Variants in FHOD3 observed in about 807,000 individuals in gnomAD.
FHOD3 encodes the protein formin homology 2 domain containing 3.
FHOD3 carries 90 observed loss-of-function variants against 173.0 expected under a neutral mutation model. The ratio of observed to expected loss-of-function variants is 0.52; its 90% CI spans 0.44 to 0.62. The LOEUF (loss-of-function observed/expected upper bound fraction) is 0.62. Among genes scored for constraint, FHOD3 ranks in the 20% least tolerant of loss-of-function variants. The pLI, the probability that FHOD3 is intolerant of heterozygous loss-of-function variation, is 0.00. For synonymous variants in FHOD3, 828 were observed against 823.0 expected, an observed-to-expected ratio of 1.01 and a Z score of -0.10; for missense variants, 1,945 against 2,034.7, an observed-to-expected ratio of 0.96 and a Z score of 0.85.
chr18:36,300,188 C>T (rs888307937), intron 1 of FHOD3, among the ~76,000 whole-genome samples: 1 of 152,140 alleles, frequency 6.6e-6, no homozygotes, highest in African/African-American at 2.4e-5. Flanking sequence ...CTAAATGACC[C>T]ACTTTTTGTG....
At chr18:36,380,498 T>TCCCTCCCTGCCTCCTTTCCTCTCTC (rs1413230748) in intron 3 of FHOD3, among the ~76,000 whole-genome samples, 1 of 145,290 alleles carries the variant, frequency 6.9e-6, no homozygotes, top group Non-Finnish European at 1.5e-5. Flanking sequence ...TTCCCTCTCT[T>TCCCTCCCTGCCTCCTTTCCTCTCTC]CCCTCCCTGC....
intron 26 of FHOD3, among the ~76,000 whole-genome samples, chr18:36,759,592 G>C (rs567249708): frequency 1.9e-4 from 29 of 152,238 alleles, no homozygotes; most frequent in Non-Finnish European, 2.1e-4. Flanking sequence ...TCTGATGTGT[G>C]ACCATTTCCT....
intron 1 of FHOD3, among the ~76,000 whole-genome samples, chr18:36,332,497 G>A (rs539600279): frequency 1.3e-5 from 2 of 152,346 alleles, no homozygotes; most frequent in East Asian, 1.9e-4. Context: ...TGTGACTTGA[G>A]GAACTTAACT....
chr18:36,364,319 G>A (rs146181166), intron 2 of FHOD3, among the ~76,000 whole-genome samples: 332 of 152,246 alleles, frequency 2.2e-3, no homozygotes, highest in African/African-American at 7.6e-3. Context: ...TTCCATCTCT[G>A]GGTCTAGGTG....
chr18:36,431,420 G>A (rs1223001655), intron 3 of FHOD3, among the ~76,000 whole-genome samples: 1 of 152,212 alleles, frequency 6.6e-6, no homozygotes, highest in Middle Eastern at 3.2e-3. Context: ...TGACACATGG[G>A]TGTGCAAGCC....
intron 3 of FHOD3, among the ~76,000 whole-genome samples, chr18:36,497,906 C>G (rs1327367110): frequency 6.6e-6 from 1 of 152,146 alleles, no homozygotes; most frequent in East Asian, 1.9e-4. Context: ...AATACATGTT[C>G]TTTTAAAGTG....
At chr18:36,765,519 CA>C (rs1166675118) in intron 27 of FHOD3, among the ~76,000 whole-genome samples, 1 of 152,132 alleles carries the variant, frequency 6.6e-6, no homozygotes, top group African/African-American at 2.4e-5. Context: ...ATAAGTGATT[CA>C]GATGTTGAAA....
intron 5 of FHOD3, among the ~76,000 whole-genome samples, chr18:36,565,967 C>T (rs2058248822): frequency 6.6e-6 from 1 of 152,166 alleles, no homozygotes; most frequent in Non-Finnish European, 1.5e-5. Flanking sequence ...TAAAAAACTG[C>T]ATTTAAAATG....
chr18:36,664,015 G>A lies in FHOD3; in HGVS notation c.1835+5827G>A, dbSNP rs571218274. ...TTGAATGACTGTGTTTTGTGGATATGTGATCTGGGTGTTTTGCTGGATCCC... is the reference window on the plus strand; with the variant it reads ...TTGAATGACTGTGTTTTGTGGATATATGATCTGGGTGTTTTGCTGGATCCC... On this transcript the variant is annotated intron_variant, in intron 14 of 28. Coordinates refer to ENST00000590592, the MANE Select transcript of FHOD3 (RefSeq NM_001281740.3). Among the ~76,000 whole-genome samples the A allele has an allele frequency of 2.8e-4, 43 of 152,116 alleles. No homozygotes were observed. The South Asian group carries it at 7.0e-3, about 25-fold the overall frequency.
chr18:36,431,928 T>C (rs913918387), intron 3 of FHOD3, among the ~76,000 whole-genome samples: 2 of 152,216 alleles, frequency 1.3e-5, no homozygotes, highest in Admixed American at 1.3e-4. Flanking sequence ...TCACATGTGG[T>C]ACCTGTCCCC....
At chr18:36,626,008 T>C (rs1389049801) in intron 10 of FHOD3, among the ~76,000 whole-genome samples, 1 of 152,152 alleles carries the variant, frequency 6.6e-6, no homozygotes, top group Admixed American at 6.5e-5. Context: ...AAAAATATTA[T>C]TTACTATCTC....
intron 24 of FHOD3, among the ~76,000 whole-genome samples, chr18:36,748,167 T>C (rs776472129): frequency 4.6e-5 from 7 of 152,160 alleles, no homozygotes; most frequent in Non-Finnish European, 1.0e-4. Flanking sequence ...GTCAGTTCTT[T>C]TGGAATTTAA....
intron 10 of FHOD3, among the ~76,000 whole-genome samples, chr18:36,639,519 C>T (rs940751585): frequency 6.6e-5 from 10 of 152,046 alleles, no homozygotes; most frequent in African/African-American, 2.2e-4. Flanking sequence ...AAAAATTAGC[C>T]GGGCGTGGTG....
intron 5 of FHOD3, among the ~76,000 whole-genome samples, chr18:36,531,813 A>G (rs1237754526): frequency 1.3e-5 from 2 of 152,196 alleles, no homozygotes; most frequent in Admixed American, 6.5e-5. Flanking sequence ...TCTCGGAGGC[A>G]GGATGCTTGA....
chr18:36,509,426 C>CAAAAAAAAAAAAAAAAAAAA (rs34772691), intron 4 of FHOD3, among the ~76,000 whole-genome samples: 1 of 54,854 alleles, frequency 1.8e-5, no homozygotes, highest in Non-Finnish European at 3.7e-5. Context: ...GACTCCATCT[C>CAAAAAAAAAAAAAAAAAAAA]AAAAAAAAAA....
intron 3 of FHOD3, among the ~76,000 whole-genome samples, chr18:36,455,536 C>A: frequency 6.6e-6 from 1 of 150,750 alleles, no homozygotes; most frequent in African/African-American, 2.4e-5. Flanking sequence ...ATTTATTTTC[C>A]ATTTAGACAG....
At chr18:36,701,733 A>G (rs1191391828) in intron 17 of FHOD3, among the ~76,000 whole-genome samples, 1 of 152,214 alleles carries the variant, frequency 6.6e-6, no homozygotes, top group Non-Finnish European at 1.5e-5. Context: ...CCATGAATGC[A>G]ATCCCAGCAC....
intron 2 of FHOD3, among the ~76,000 whole-genome samples, chr18:36,368,821 A>G (rs2047025928): frequency 6.6e-6 from 1 of 151,794 alleles, no homozygotes; most frequent in Non-Finnish European, 1.5e-5. Flanking sequence ...AGAGCCCCTT[A>G]TAAAACCATC....
intron 3 of FHOD3, among the ~76,000 whole-genome samples, chr18:36,452,809 T>A (rs1340568786): frequency 6.6e-6 from 1 of 152,168 alleles, no homozygotes; most frequent in African/African-American, 2.4e-5. Context: ...ATTCATTGTG[T>A]GTGTATGTGT....
Sources: allele counts gnomAD v4.1 joint callset (sites outside exome capture counted in the v4.1 genomes callset), GRCh38; gene constraint gnomAD v4.1.1; transcripts MANE v1.5; gene names NCBI Gene and HGNC (gene_info 2026-07-23, HGNC 2026-07-21).